Variants in AQR observed in about 807,000 individuals in gnomAD.
AQR encodes the protein RNA helicase aquarius.
In AQR, 61 loss-of-function variants were observed where a neutral mutation model predicts 180.5. The observed-to-expected ratio is 0.34, with a 90% confidence interval of 0.28 to 0.42. The LOEUF (loss-of-function observed/expected upper bound fraction) is 0.42. Among genes scored for constraint, AQR ranks in the 10% least tolerant of loss-of-function variants. The pLI, the probability that AQR is intolerant of heterozygous loss-of-function variation, is 1.00. For missense variants in AQR, 1,281 were observed against 1,798.3 expected (o/e 0.71, Z 5.20); for synonymous variants, 551 against 588.8 (o/e 0.94, Z 0.93).
chr15:34,875,830 T>C (rs972523136), intron 28 of AQR, 105 bp downstream of exon 28: 9 of 812,742 alleles, frequency 1.1e-5, no homozygotes, highest in Admixed American at 4.4e-5. Context: ...TTAAGGAAAA[T>C]ACATAACTAT....
chr15:34,897,938 T>A (rs989720119), intron 20 of AQR, among the ~76,000 whole-genome samples: 7 of 152,344 alleles, frequency 4.6e-5, no homozygotes, highest in East Asian at 1.9e-4. Context: ...CGGGAGAATT[T>A]AAAGAAACAT....
Position 34,868,200 on chromosome 15 carries a change from G to A in AQR, c.3769-591C>T, listed in dbSNP as rs567124816. On this transcript the variant is annotated intron_variant, in intron 31 of 34. Coordinates refer to ENST00000156471, the MANE Select transcript of AQR (RefSeq NM_014691.3). The stretch of plus-strand genomic sequence containing the variant: ...ACAAAAATTAGCTGGGCATGGTGGC[G>A]CGTGCCTGTAGTTCCAGCTACTCAG... 312 of 152,556 alleles carry A rather than the reference G, an allele frequency of 2.0e-3. 1 individual carries two copies. Among genetic ancestry groups the A allele is most frequent in the Middle Eastern group, 6.7e-3 (2 of 298 alleles). The allele number at this position is 152,556 out of a possible 1,614,324, so 9.5% of individuals were successfully genotyped here.
intron 17 of AQR, among the ~76,000 whole-genome samples, chr15:34,909,134 C>T (rs943648988): frequency 1.3e-5 from 2 of 152,104 alleles, no homozygotes; most frequent in African/African-American, 2.4e-5. Context: ...GATATAGTTC[C>T]CATGATTATA....
At position 34,870,825 on chromosome 15, in the gene AQR, C is replaced by T. The variant is rs1429143792; in HGVS notation, c.3695G>A (p.Gly1232Asp). Residue 1232 changes from glycine (G) to aspartate (D), a missense_variant, in exon 31 of 35, where the codon GGC becomes GAC. Around this residue, in one of 9 missense-constraint regions of AQR, gnomAD observed 197 missense variants for 320.7 expected, o/e 0.61. Transcript: ENST00000156471. ...GATGTCGCGAATAAGATGCTTTTGG[C>T]CATTATATGTTGTTAGAATACTGAT... is the stretch of plus-strand genomic sequence containing the variant. The part of the protein sequence containing the change: ...DKISILTTYN[G>D]QKHLIRDIIN... 1 of 1,613,232 alleles carries T rather than the reference C, an allele frequency of 6.2e-7. No homozygotes were observed. The highest frequency in any genetic ancestry group is 1.3e-5 in the African/African-American group (1 of 74,858).
In AQR at chr15:34,884,413, A is replaced by C. The variant is rs1216726861; in HGVS notation, c.3027+112T>G. The C allele has an allele frequency of 6.8e-6, 7 of 1,022,732 alleles. No homozygotes were observed. The South Asian group carries it at 1.1e-4, about 16-fold the overall frequency. The allele number at this position is 1,022,732 out of a possible 1,614,324, so 63.4% of individuals were successfully genotyped here. A position where few individuals can be genotyped will look rare whatever the true frequency, so the allele number is the denominator to read the frequency against. On this transcript the variant is annotated intron_variant, in intron 26 of 34. Transcript: ENST00000156471. Reference sequence around the variant, plus strand: ...AGGGCAAGACTCCGTCTCAAAAAAAAACAAAAAAACAAAAAAACAAAAGAT... The same window carrying C: ...AGGGCAAGACTCCGTCTCAAAAAAACACAAAAAAACAAAAAAACAAAAGAT...
intron 15 of AQR, among the ~76,000 whole-genome samples, chr15:34,916,083 T>C (rs1318464520): frequency 1.3e-5 from 2 of 152,216 alleles, no homozygotes; most frequent in African/African-American, 2.4e-5. Context: ...CAGTCTCAAG[T>C]AGTTTAAAAC....
intron 2 of AQR, among the ~76,000 whole-genome samples, chr15:34,962,819 C>T (rs1015237218): frequency 6.6e-6 from 1 of 151,598 alleles, no homozygotes; most frequent in Non-Finnish European, 1.5e-5. Flanking sequence ...AATATATATT[C>T]GTAAGAATTT....
Position 34,915,186 on chromosome 15 carries a change from A to T in AQR, c.1343-7T>A, listed in dbSNP as rs1353110933. 3.8e-6 allele frequency: 6 copies of T among 1,576,056 alleles called. No homozygotes were observed. Among genetic ancestry groups the T allele is most frequent in the African/African-American group, 1.4e-5 (1 of 72,318 alleles). ...TTGGGAAGAGCAAGACAACCTGAAA[A>T]GGAAAAAAACATCCATATTTCAATT... On this transcript the variant is annotated splice_region_variant and splice_polypyrimidine_tract_variant and intron_variant, in intron 15 of 34. Transcript: ENST00000156471.
chr15:34,940,427 G>A (rs1321827824), intron 8 of AQR, among the ~76,000 whole-genome samples: 1 of 152,184 alleles, frequency 6.6e-6, no homozygotes, highest in Non-Finnish European at 1.5e-5. Flanking sequence ...CTACTCAGAG[G>A]CTGGGGCAAG....
chr15:34,868,619 C>T (rs553893425), intron 31 of AQR: 1 of 152,242 alleles, frequency 6.6e-6, no homozygotes, highest in Admixed American at 6.5e-5. Flanking sequence ...GTGACCACCA[C>T]CACAATAAAA....
intron 15 of AQR, among the ~76,000 whole-genome samples, chr15:34,916,970 T>C (rs954941419): frequency 6.6e-6 from 1 of 152,092 alleles, no homozygotes; most frequent in African/African-American, 2.4e-5. Context: ...AATGAAACCT[T>C]GTAACCACCT....
chr15:34,904,605 C>T, intron 18 of AQR, 100 bp from the exon 19 acceptor site: 1 of 1,143,926 alleles, frequency 8.7e-7, no homozygotes, highest in Non-Finnish European at 1.2e-6. Context: ...GTAAATGGTT[C>T]AGGCTTAACT....
intron 1 of AQR, 91 bp from the exon 2 acceptor site, chr15:34,964,381 C>T (rs752749424): frequency 1.1e-5 from 12 of 1,057,562 alleles, no homozygotes; most frequent in Non-Finnish European, 1.4e-5. Flanking sequence ...GGTTTCTTAA[C>T]AAGGCCCTAC....
At chr15:34,963,284 C>G (rs2050290040) in intron 2 of AQR, among the ~76,000 whole-genome samples, 1 of 152,136 alleles carries the variant, frequency 6.6e-6, no homozygotes, top group Non-Finnish European at 1.5e-5. Flanking sequence ...TGGCCTTAGA[C>G]CTCTCTTTAA....
intron 1 of AQR, among the ~76,000 whole-genome samples, chr15:34,965,925 T>C (rs1162937682): frequency 6.6e-6 from 1 of 152,216 alleles, no homozygotes; most frequent in Admixed American, 6.5e-5. Flanking sequence ...TTACTGTACA[T>C]CTGTACTTGA....
At chr15:34,950,384 G>A (rs916853231) in intron 4 of AQR, among the ~76,000 whole-genome samples, 8 of 151,444 alleles carry the variant, frequency 5.3e-5, no homozygotes, top group Non-Finnish European at 7.4e-5. Flanking sequence ...CACCACTCCC[G>A]GCCCTCTTTG....
chr15:34,895,077 A>G (rs1375966269), intron 22 of AQR, among the ~76,000 whole-genome samples: 2 of 147,412 alleles, frequency 1.4e-5, no homozygotes, highest in East Asian at 2.0e-4. Flanking sequence ...CTGAGGCACA[A>G]GAATCACTTG....
At chr15:34,962,684 G>A (rs559377325) in intron 2 of AQR, among the ~76,000 whole-genome samples, 14 of 151,810 alleles carry the variant, frequency 9.2e-5, no homozygotes, top group African/African-American at 3.1e-4. Flanking sequence ...CAGAAGAATC[G>A]CTTGAACCCA....
chr15:34,900,246 A>T (rs1893311046), intron 20 of AQR, among the ~76,000 whole-genome samples: 1 of 152,166 alleles, frequency 6.6e-6, no homozygotes. Context: ...AGAAAAAAAG[A>T]TTTTTTTCCT....
Sources: gnomAD v4.1 joint callset for allele counts (sites outside exome capture counted in the v4.1 genomes callset) on GRCh38, gnomAD v4.1.1 for gene constraint, gnomAD v4.1.1 regional missense constraint, MANE v1.5 for transcripts, NCBI Gene and HGNC (gene_info 2026-07-23, HGNC 2026-07-21) for gene names.